The following CCDC18 variants were observed in gnomAD, a reference collection of about 807,000 sequenced individuals.
The protein encoded by CCDC18 is coiled-coil domain containing 18.
CCDC18 carries 157 observed loss-of-function variants against 196.0 expected under a neutral mutation model. The ratio of observed to expected loss-of-function variants is 0.80; its 90% CI spans 0.70 to 0.91. The LOEUF (loss-of-function observed/expected upper bound fraction) is 0.91. Among genes scored for constraint, CCDC18 ranks in the 40% least tolerant of loss-of-function variants. The pLI is 0.00. For missense variants in CCDC18, 1,465 were observed against 1,611.6 expected (o/e 0.91, Z 1.56); for synonymous variants, 482 against 529.2 (o/e 0.91, Z 1.22).
In CCDC18 at chr1:93,207,237, A is replaced by G. The variant is rs764122916; in HGVS notation, c.1048A>G (p.Lys350Glu). The G allele has an allele frequency of 6.2e-7, 1 of 1,613,730 alleles. No homozygotes were observed. Among genetic ancestry groups the G allele is most frequent in the Admixed American group, 1.7e-5 (1 of 60,000 alleles). ...GAAGCTAGAGAGTGAGTTAGAGAAC[A>G]AAGACGAAATACTTAGAGACAAATT... ...ILKLESELEN[K>E]DEILRDKFSL... The change falls in exon 9 of 29, where the codon AAA becomes GAA. Residue 350 changes from lysine (K) to glutamate (E), a missense_variant. Physicochemically the swap from Lys to Glu is moderately conservative, Grantham distance 56 (BLOSUM62 1). Transcript: ENST00000690025.
At chr1:93,259,971 A>C (rs1050843545) in intron 26 of CCDC18, among the ~76,000 whole-genome samples, 3 of 152,204 alleles carry the variant, frequency 2.0e-5, no homozygotes, top group Non-Finnish European at 2.9e-5. Context: ...ATAAATTGTA[A>C]AATTAGTTCA....
chr1:93,193,201 G>T (rs566837763), intron 5 of CCDC18, among the ~76,000 whole-genome samples: 1 of 151,938 alleles, frequency 6.6e-6, no homozygotes, highest in Non-Finnish European at 1.5e-5. Flanking sequence ...GTAGGAAAAA[G>T]AAAGAAAGAA....
At chr1:93,205,868 A>G (rs1365494997) in intron 8 of CCDC18, among the ~76,000 whole-genome samples, 1 of 152,190 alleles carries the variant, frequency 6.6e-6, no homozygotes, top group Non-Finnish European at 1.5e-5. Flanking sequence ...TGCTTTGCAT[A>G]TATTTAGAGA....
At chr1:93,208,367 T>C (rs1051444684) in intron 9 of CCDC18, among the ~76,000 whole-genome samples, 6 of 151,006 alleles carry the variant, frequency 4.0e-5, no homozygotes, top group South Asian at 4.2e-4. Flanking sequence ...TCTCTCACTC[T>C]GTTGCCCAGG....
At chr1:93,220,961 C>T (rs797660) in intron 14 of CCDC18, among the ~76,000 whole-genome samples, 26,225 of 152,158 alleles carry the variant, frequency 0.17, 2,487 homozygotes, top group African/African-American at 0.22. Flanking sequence ...GAAACGATCT[C>T]GTTCCTTTTT....
intron 27 of CCDC18, among the ~76,000 whole-genome samples, chr1:93,268,906 C>A (rs1664901535): frequency 6.6e-6 from 1 of 152,076 alleles, no homozygotes; most frequent in African/African-American, 2.4e-5. Context: ...TACCATTTGA[C>A]CCAGCCATCC....
intron 16 of CCDC18, among the ~76,000 whole-genome samples, chr1:93,223,123 T>C (rs767618734): frequency 6.6e-6 from 1 of 152,224 alleles, no homozygotes; most frequent in Non-Finnish European, 1.5e-5. Flanking sequence ...GAAATACTTT[T>C]ATTAGATAAA....
chr1:93,210,591 A>G (rs1655457817), intron 9 of CCDC18, among the ~76,000 whole-genome samples: 1 of 152,146 alleles, frequency 6.6e-6, no homozygotes, highest in South Asian at 2.1e-4. Flanking sequence ...ATGTATCCAT[A>G]CTGATTTATG....
Position 93,236,349 on chromosome 1 carries a change from T to C in CCDC18, c.2562T>C (p.Asp854=). ...EKCESAAHEA[D]LKRQKVIELT... ...GTGAATCAGCTGCACATGAAGCAGA[T>C]TTGAAAAGGCAAAAAGTGATTGAGC... Residue 854 remains aspartate (D), a synonymous_variant, in exon 19 of 29, where the codon GAT becomes GAC. Coordinates refer to ENST00000690025, the MANE Select transcript of CCDC18 (RefSeq NM_001378204.1). The C allele has an allele frequency of 6.3e-7, 1 of 1,586,184 alleles. No homozygotes were observed.
intron 27 of CCDC18, 104 bp from the exon 28 acceptor site, chr1:93,270,243 T>C (rs1665105651): frequency 2.9e-6 from 2 of 681,240 alleles, no homozygotes; most frequent in Non-Finnish European, 5.0e-6. Flanking sequence ...AGAATTCCTA[T>C]AGTGGGACAA....
chr1:93,225,438 T>A (rs997266475), intron 16 of CCDC18, among the ~76,000 whole-genome samples: 5 of 152,226 alleles, frequency 3.3e-5, no homozygotes, highest in African/African-American at 1.2e-4. Flanking sequence ...CTTCTTTTTT[T>A]CTAGCTGACA....
rs201682327 is a variant in CCDC18, at chr1:93,216,931, T to TTC, written c.1830+189_1830+190dup. Among the ~76,000 whole-genome samples, 5 of 107,506 alleles carry TTC rather than the reference T, an allele frequency of 4.7e-5. 1 individual carries two copies. Among genetic ancestry groups the TTC allele is most frequent in the African/African-American group, 1.3e-4 (2 of 14,858 alleles). 70.5% of individuals were successfully genotyped at this position (107,506 alleles called of 152,430 possible). ...GCTTATATGGCAAGTTATCCAAGTT[T>TTC]TCTCTTTTTTTTTTTTTTTTTGAGA... On this transcript the variant is annotated intron_variant, in intron 13 of 28. Transcript: ENST00000690025.
chr1:93,254,204 T>C (rs1036436721), intron 23 of CCDC18, among the ~76,000 whole-genome samples: 4 of 152,182 alleles, frequency 2.6e-5, no homozygotes, highest in South Asian at 2.1e-4. Context: ...TTTGGTTACA[T>C]AGATACATTT....
chr1:93,222,063 G>C, intron 16 of CCDC18, 127 bp downstream of exon 16: 1 of 596,178 alleles, frequency 1.7e-6, no homozygotes, highest in Non-Finnish European at 2.9e-6. Context: ...TTGAACTCCT[G>C]AGCTCAAGTA....
intron 10 of CCDC18, 49 bp from the exon 11 acceptor site, chr1:93,212,052 T>C (rs1251471273): frequency 2.0e-6 from 3 of 1,503,578 alleles, no homozygotes; most frequent in Non-Finnish European, 2.7e-6. Flanking sequence ...GTATGAGTTT[T>C]TTTATAGAAT....
intron 6 of CCDC18, among the ~76,000 whole-genome samples, chr1:93,200,824 C>T (rs1284330862): frequency 1.3e-5 from 2 of 152,106 alleles, no homozygotes; most frequent in Non-Finnish European, 2.9e-5. Context: ...AAGTGTAAAG[C>T]GGATAAGTCT....
upstream of CCDC18, chr1:93,180,306 C>T (rs1321172482): frequency 4.0e-6 from 6 of 1,493,554 alleles, no homozygotes; most frequent in Non-Finnish European, 5.4e-6. Context: ...TCCGCGTTTC[C>T]TCTCTGGACT....
intron 18 of CCDC18, 61 bp from the exon 19 acceptor site, chr1:93,236,187 C>G (rs1291863272): frequency 7.5e-7 from 1 of 1,333,686 alleles, no homozygotes; most frequent in Non-Finnish European, 1.0e-6. Context: ...AGCTAGGTTA[C>G]ATATTTATAA....
At chr1:93,222,037 A>C in intron 16 of CCDC18, 101 bp downstream of exon 16, 1 of 726,822 alleles carries the variant, frequency 1.4e-6, no homozygotes. Flanking sequence ...TGGCATGATG[A>C]TAACTCACTG....
Sources: allele counts gnomAD v4.1 joint callset (sites outside exome capture counted in the v4.1 genomes callset), GRCh38; gene constraint gnomAD v4.1.1; transcripts MANE v1.5; gene names NCBI Gene and HGNC (gene_info 2026-07-23, HGNC 2026-07-21).